CCDC66: variants seen among roughly 807,000 people sequenced by gnomAD.
CCDC66 encodes the protein coiled-coil domain-containing protein 66.
CCDC66 carries 133 observed loss-of-function variants against 128.3 expected under a neutral mutation model. The observed-to-expected ratio is 1.04, with a 90% CI of 0.90 to 1.20. The LOEUF (loss-of-function observed/expected upper bound fraction) is 1.20. CCDC66 is among the 50% of genes most tolerant of loss of function. CCDC66 has a pLI of 0.00. For synonymous variants in CCDC66, 387 were observed against 357.0 expected (o/e 1.08, Z -0.95); for missense variants, 1,126 against 1,075.5 (o/e 1.05, Z -0.66).
Position 56,575,785 on chromosome 3 carries a change from C to A in CCDC66, c.936+4483C>A, listed in dbSNP as rs539659411. Reference sequence around the variant, plus strand: ...TATAAGGTCAGGGCCCTACTTTATTCTTTTGCATGTGGACATCTAGTTTTT... The same window carrying A: ...TATAAGGTCAGGGCCCTACTTTATTATTTTGCATGTGGACATCTAGTTTTT... On this transcript the variant is annotated intron_variant, in intron 7 of 17. Transcript: ENST00000394672. Among the ~76,000 whole-genome samples the A allele has an allele frequency of 2.3e-4, 35 of 151,854 alleles. 1 individual carries two copies. In the East Asian group the frequency reaches 2.4e-3, roughly 10 times the overall value.
chr3:56,583,217 AC>A (rs958632809), intron 7 of CCDC66, among the ~76,000 whole-genome samples: 7 of 151,912 alleles, frequency 4.6e-5, no homozygotes, highest in Admixed American at 6.6e-5. Context: ...TGCAAAAAAA[AC>A]ATAAAGGATA....
intron 15 of CCDC66, chr3:56,619,049 C>A (rs2107442352): frequency 4.9e-6 from 2 of 406,944 alleles, no homozygotes; most frequent in South Asian, 7.5e-5. Context: ...TGAACCCCGT[C>A]TCTACTAAAA....
Position 56,593,477 on chromosome 3 carries a change from T to C in CCDC66, c.1069-14T>C, listed in dbSNP as rs372617599. 1.9e-5 allele frequency: 31 copies of C among 1,606,554 alleles called. No homozygotes were observed. Among genetic ancestry groups the C allele is most frequent in the Non-Finnish European group, 2.6e-5 (31 of 1,175,262 alleles). On this transcript the variant is annotated splice_polypyrimidine_tract_variant and intron_variant, in intron 8 of 17. Transcript: ENST00000394672. ...TTGGAAAAATTCTTAGCAATTCTTA[T>C]TTGTCATCATTAGGGTGAGGAACAT...
intron 10 of CCDC66, among the ~76,000 whole-genome samples, chr3:56,598,898 T>C (rs1553697307): frequency 1.3e-5 from 2 of 152,078 alleles, no homozygotes; most frequent in Non-Finnish European, 2.9e-5. Context: ...TGTTGTGTCC[T>C]TCTCTGGCTT....
Position 56,558,924 on chromosome 3 carries a change from C to T in CCDC66, c.76+14C>T, listed in dbSNP as rs2064731048. 6.6e-7 allele frequency: 1 copy of T among 1,510,302 alleles called. No homozygotes were observed. Among genetic ancestry groups the T allele is most frequent in the African/African-American group, 1.4e-5 (1 of 71,582 alleles). 93.6% of individuals were successfully genotyped at this position (1,510,302 alleles called of 1,614,324 possible). On this transcript the variant is annotated intron_variant, in intron 2 of 17. Coordinates refer to ENST00000394672, the MANE Select transcript of CCDC66 (RefSeq NM_001141947.3). The stretch of plus-strand genomic sequence containing the variant: ...TGTCTCCATATGGTATGTTGTGTTA[C>T]AGAAATCTGAAATGTTAACTTTTAA...
intron 6 of CCDC66, chr3:56,569,320 G>T: frequency 3.0e-6 from 1 of 335,972 alleles, no homozygotes. Context: ...CAGTTTTGCA[G>T]ACTGTACAAG....
At chr3:56,612,554 T>G (rs1415900398) in intron 10 of CCDC66, among the ~76,000 whole-genome samples, 4 of 151,538 alleles carry the variant, frequency 2.6e-5, no homozygotes, top group Non-Finnish European at 5.9e-5. Flanking sequence ...GGTGGGTGAG[T>G]AGGTTTTCAA....
chr3:56,579,546 A>G (rs1000601049), intron 7 of CCDC66, among the ~76,000 whole-genome samples: 1 of 151,718 alleles, frequency 6.6e-6, no homozygotes, highest in Non-Finnish European at 1.5e-5. Flanking sequence ...TGTGGACATT[A>G]AGTGCTATAA....
intron 6 of CCDC66, among the ~76,000 whole-genome samples, 164 bp downstream of exon 6, chr3:56,567,217 C>G (rs1437381129): frequency 1.3e-5 from 2 of 152,058 alleles, no homozygotes; most frequent in Non-Finnish European, 2.9e-5. Context: ...TGGTGAAATC[C>G]CATCTCTACT....
intron 10 of CCDC66, among the ~76,000 whole-genome samples, chr3:56,599,505 C>T (rs1341379138): frequency 6.6e-6 from 1 of 151,810 alleles, no homozygotes; most frequent in Non-Finnish European, 1.5e-5. Context: ...GAAATGTTTC[C>T]ACTTTTTTGA....
rs1559788762 is a variant in CCDC66 at position 56,619,527 on chromosome 3, G to A, written c.2635G>A (p.Asp879Asn). 1 of 1,601,548 alleles carries A rather than the reference G, an allele frequency of 6.2e-7. No individual in the cohort carries two copies. The highest frequency in any genetic ancestry group is 8.5e-7 in the Non-Finnish European group (1 of 1,175,272). ...TQDPQYQNSQ[D>N]CGQKRQLFDS... The stretch of plus-strand genomic sequence containing the variant: ...GGACCCTCAGTACCAAAATTCACAA[G>A]GTAAGTAAATATTAAGCATTCTAAC... The change falls in exon 16 of 18, where the codon GAC becomes AAC. Residue 879 changes from aspartate to asparagine, a missense_variant and splice_region_variant. By Grantham distance (23) the Asp-to-Asn change is conservative. Transcript: ENST00000394672.
At chr3:56,618,560 C>T (rs765313431) in intron 15 of CCDC66, 4 of 224,258 alleles carry the variant, frequency 1.8e-5, no homozygotes, top group Non-Finnish European at 2.6e-5. Context: ...CTGATAAGGA[C>T]AATGAGAAAT....
At chr3:56,617,851 T>C in intron 14 of CCDC66, 1 of 574,032 alleles carries the variant, frequency 1.7e-6, no homozygotes, top group Admixed American at 3.5e-5. Context: ...ACAGAAACAA[T>C]ATGGCCCACA....
intron 10 of CCDC66, among the ~76,000 whole-genome samples, chr3:56,595,150 T>C (rs184831683): frequency 2.0e-5 from 3 of 152,348 alleles, no homozygotes; most frequent in Non-Finnish European, 2.9e-5. Flanking sequence ...ATTTATAGGA[T>C]ACATATGATA....
chr3:56,613,447 G>A (rs571332382), intron 10 of CCDC66, 142 bp from the exon 11 acceptor site: 28 of 824,048 alleles, frequency 3.4e-5, no homozygotes, highest in South Asian at 1.5e-4. Flanking sequence ...TTAGATCTAC[G>A]TGAAGTATGA....
intron 13 of CCDC66, 105 bp from the exon 14 acceptor site, chr3:56,617,006 GA>G (rs2075606697): frequency 2.2e-6 from 2 of 929,572 alleles, no homozygotes; most frequent in Middle Eastern, 3.4e-4. Context: ...ATTAATGAAA[GA>G]AAAAAGTCTT....
At chr3:56,616,257 C>G (rs1018877903) in intron 13 of CCDC66, 4 of 445,462 alleles carry the variant, frequency 9.0e-6, no homozygotes, top group Non-Finnish European at 1.2e-5. Context: ...TTTTGGTATT[C>G]AGTGGTGCAA....
At chr3:56,571,507 G>A (rs1346745463) in intron 7 of CCDC66, 7 of 366,370 alleles carry the variant, frequency 1.9e-5, no homozygotes, top group Middle Eastern at 8.7e-4. Context: ...TCAGCCTCCC[G>A]AGTAGCTAGG....
At position 56,594,163 on chromosome 3, in the gene CCDC66, A is replaced by G. The variant is rs1407331127; in HGVS notation, c.1404+135A>G. The G allele has an allele frequency of 9.3e-6, 7 of 750,336 alleles. No individual in the cohort carries two copies. The East Asian group carries it at 1.1e-4, about 11-fold the overall frequency. 46.5% of individuals were successfully genotyped at this position (750,336 alleles called of 1,614,324 possible). A position where few individuals can be genotyped will look rare whatever the true frequency, so the allele number is the denominator to read the frequency against. Reference sequence around the variant, plus strand: ...CCTGTCCAGTTGTGTCACGAATCCAATCCCTACCACAACTGGCATTGTAAT... The same window carrying G: ...CCTGTCCAGTTGTGTCACGAATCCAGTCCCTACCACAACTGGCATTGTAAT... On this transcript the variant is annotated intron_variant, in intron 10 of 17. Coordinates refer to ENST00000394672, the MANE Select transcript of CCDC66 (RefSeq NM_001141947.3).
Sources: allele counts gnomAD v4.1 joint callset (sites outside exome capture counted in the v4.1 genomes callset), GRCh38; gene constraint gnomAD v4.1.1; transcripts MANE v1.5; gene names NCBI Gene and HGNC (gene_info 2026-07-23, HGNC 2026-07-21).